Variants in APP observed in about 807,000 individuals in gnomAD.
APP encodes the protein amyloid beta precursor protein.
A neutral mutation model predicts 101.4 loss-of-function variants in APP; 31 were observed. The ratio of observed to expected loss-of-function variants is 0.31; its 90% CI spans 0.23 to 0.41. The LOEUF is 0.41. Among genes scored for constraint, APP ranks in the 10% least tolerant of loss-of-function variants. APP has a pLI of 1.00. For synonymous variants in APP, 366 were observed against 364.4 expected (o/e 1.00, Z -0.05); for missense variants, 839 against 1,003.7 (o/e 0.84, Z 2.22).
intron 11 of APP, among the ~76,000 whole-genome samples, chr21:25,970,202 A>G (rs1442039646): frequency 2.0e-5 from 3 of 152,122 alleles, no homozygotes; most frequent in Non-Finnish European, 4.4e-5. Flanking sequence ...GCCCACAATA[A>G]GCACGATTAC....
chr21:25,907,513 G>A (rs970917480), intron 14 of APP, among the ~76,000 whole-genome samples: 4 of 152,190 alleles, frequency 2.6e-5, no homozygotes, highest in East Asian at 1.9e-4. Context: ...TACATTGGCT[G>A]TTTAGTAATT....
At chr21:25,932,842 T>A (rs1264045710) in intron 13 of APP, among the ~76,000 whole-genome samples, 1 of 152,140 alleles carries the variant, frequency 6.6e-6, no homozygotes, top group East Asian at 1.9e-4. Flanking sequence ...GATTTAAAAA[T>A]GTAACTACCT....
At chr21:25,918,226 C>A (rs1225328848) in intron 13 of APP, among the ~76,000 whole-genome samples, 2 of 152,218 alleles carry the variant, frequency 1.3e-5, no homozygotes, top group Admixed American at 6.5e-5. Context: ...GACACATGCA[C>A]ACATATGTTT....
intron 5 of APP, among the ~76,000 whole-genome samples, chr21:26,034,120 A>G (rs1326682052): frequency 6.6e-6 from 1 of 152,208 alleles, no homozygotes; most frequent in Non-Finnish European, 1.5e-5. Context: ...GAAAGACCAC[A>G]GATAATAGAC....
chr21:25,909,227 C>T (rs189452234), intron 14 of APP, among the ~76,000 whole-genome samples: 338 of 144,418 alleles, frequency 2.3e-3, no homozygotes, highest in African/African-American at 8.5e-3. Context: ...CGCGCCACTG[C>T]ACTCCAGCCA....
intron 2 of APP, among the ~76,000 whole-genome samples, chr21:26,098,081 G>GAAAAAAA (rs757879199): frequency 3.7e-5 from 2 of 54,384 alleles, no homozygotes; most frequent in Admixed American, 2.4e-4. Context: ...CTCTGTCTCA[G>GAAAAAAA]AAAAAAAAAA....
At chr21:26,034,165 TCC>T (rs564745128) in intron 5 of APP, among the ~76,000 whole-genome samples, 234 of 152,276 alleles carry the variant, frequency 1.5e-3, no homozygotes, top group Non-Finnish European at 2.7e-3. Flanking sequence ...GGATAATATG[TCC>T]CACTGTGATA....
intron 1 of APP, among the ~76,000 whole-genome samples, chr21:26,115,526 G>A (rs1438283972): frequency 6.6e-6 from 1 of 152,170 alleles, no homozygotes; most frequent in Admixed American, 6.5e-5. Context: ...ACCCATTTAT[G>A]AAACAAAGCC....
rs200544221 is a variant in APP at position 25,880,611 on chromosome 21, T to C, written c.*1059A>G. On this transcript the variant is annotated 3_prime_UTR_variant, in exon 18 of 18. Transcript: ENST00000346798. The stretch of plus-strand genomic sequence containing the variant: ...CCATTTTATACAAATTGAAGACACA[T>C]CTTAAAAGAAGGGTTTGTCCAGGCA... 7 of 152,234 alleles carry C rather than the reference T, an allele frequency of 4.6e-5. No individual in the cohort carries two copies. The highest frequency in any genetic ancestry group is 3.3e-4 in the Admixed American group (5 of 15,288). 9.4% of individuals were successfully genotyped at this position (152,234 alleles called of 1,614,324 possible). A position where few individuals can be genotyped will look rare whatever the true frequency, so the allele number is the denominator to read the frequency against.
intron 13 of APP, among the ~76,000 whole-genome samples, chr21:25,944,251 C>T (rs548761434): frequency 1.2e-4 from 18 of 152,276 alleles, no homozygotes; most frequent in African/African-American, 4.3e-4. Context: ...TTAAGTAACG[C>T]CCTGGCCTTG....
intron 6 of APP, among the ~76,000 whole-genome samples, chr21:26,020,931 C>A (rs1183211022): frequency 2.0e-5 from 3 of 151,886 alleles, no homozygotes; most frequent in Admixed American, 2.0e-4. Context: ...GACATTAATA[C>A]TATATTTACT....
intron 1 of APP, among the ~76,000 whole-genome samples, chr21:26,131,324 A>T (rs1330263801): frequency 2.0e-5 from 3 of 152,168 alleles, no homozygotes; most frequent in South Asian, 2.1e-4. Context: ...AAAACAAAAC[A>T]CTTCATTATT....
At chr21:25,962,153 GCTGT>G (rs747750470) in intron 11 of APP, among the ~76,000 whole-genome samples, 15 of 152,204 alleles carry the variant, frequency 9.9e-5, no homozygotes, top group African/African-American at 3.4e-4. Context: ...ATAATTATGT[GCTGT>G]CTGTTTGCAA....
intron 1 of APP, among the ~76,000 whole-genome samples, chr21:26,121,840 T>C (rs2062579313): frequency 1.3e-5 from 2 of 152,268 alleles, no homozygotes; most frequent in Middle Eastern, 3.4e-3. Flanking sequence ...ATTTTTCCCC[T>C]CTATTTCTTC....
chr21:26,165,890 T>C (rs1174679176), intron 1 of APP, among the ~76,000 whole-genome samples: 3 of 152,224 alleles, frequency 2.0e-5, no homozygotes, highest in Non-Finnish European at 4.4e-5. Context: ...CATAAAGCTA[T>C]TAATTGATGC....
chr21:26,140,036 T>G, intron 1 of APP: 1 of 808,298 alleles, frequency 1.2e-6, no homozygotes, highest in Non-Finnish European at 2.0e-6. Context: ...ACTTCATCCC[T>G]ACTTTGGTCA....
intron 5 of APP, among the ~76,000 whole-genome samples, chr21:26,048,760 A>G (rs1490744342): frequency 1.3e-5 from 2 of 152,008 alleles, no homozygotes; most frequent in African/African-American, 4.8e-5. Context: ...AGGCACCTGT[A>G]AAGACTTGTA....
intron 6 of APP, among the ~76,000 whole-genome samples, chr21:26,018,567 A>G (rs1484107006): frequency 6.6e-6 from 1 of 152,210 alleles, no homozygotes; most frequent in Non-Finnish European, 1.5e-5. Flanking sequence ...AATTAGCTAC[A>G]AGCACAAAAA....
At chr21:25,956,846 G>A (rs1488211837) in intron 11 of APP, among the ~76,000 whole-genome samples, 2 of 152,130 alleles carry the variant, frequency 1.3e-5, no homozygotes, top group African/African-American at 2.4e-5. Context: ...CAGGTGGAAC[G>A]AGGTACCCTT....
Sources: gnomAD v4.1 joint callset for allele counts (sites outside exome capture counted in the v4.1 genomes callset) on GRCh38, gnomAD v4.1.1 for gene constraint, MANE v1.5 for transcripts, NCBI Gene and HGNC (gene_info 2026-07-23, HGNC 2026-07-21) for gene names.